SLCO1B1: variants seen among roughly 807,000 people sequenced by gnomAD.
The protein encoded by SLCO1B1 is solute carrier organic anion transporter family member 1B1.
SLCO1B1 carries 81 observed loss-of-function variants against 70.1 expected under a neutral mutation model. That is an observed-to-expected ratio of 1.16 (90% confidence interval 0.97 to 1.39). The LOEUF is 1.39. SLCO1B1 is among the 40% of genes most tolerant of loss of function. SLCO1B1 has a pLI of 0.00. For missense variants in SLCO1B1, 895 were observed against 799.6 expected (o/e 1.12, Z -1.44); for synonymous variants, 283 against 271.5 (o/e 1.04, Z -0.42).
At chr12:21,219,109 T>C (rs1261084380) in intron 12 of SLCO1B1, among the ~76,000 whole-genome samples, 1 of 152,154 alleles carries the variant, frequency 6.6e-6, no homozygotes, top group Non-Finnish European at 1.5e-5. Context: ...GGAATGAATG[T>C]GTGTAGCAGA....
At chr12:21,179,779 G>A (rs1022186911) in intron 7 of SLCO1B1, among the ~76,000 whole-genome samples, 6 of 151,808 alleles carry the variant, frequency 4.0e-5, no homozygotes, top group South Asian at 2.1e-4. Flanking sequence ...CTCCCTTCCC[G>A]CTTCTTTATC....
intron 14 of SLCO1B1, among the ~76,000 whole-genome samples, chr12:21,229,001 TAA>T (rs879412701): frequency 2.8e-5 from 4 of 141,696 alleles, no homozygotes; most frequent in Admixed American, 7.0e-5. Context: ...AAGTGGAATT[TAA>T]AAAAAAAAAA....
rs903277491 is a variant in SLCO1B1, at chr12:21,172,526, T to C, written c.85-124T>C. On this transcript the variant is annotated intron_variant, in intron 2 of 14. Transcript: ENST00000256958. ...ACCTGGTAAAAGGGAAAACTAAGTATGGTTTTTAAGATACAAATAATGTTT... is the reference window on the plus strand; with the variant it reads ...ACCTGGTAAAAGGGAAAACTAAGTACGGTTTTTAAGATACAAATAATGTTT... 8 of 1,105,186 alleles carry C rather than the reference T, an allele frequency of 7.2e-6. No homozygotes were observed. In the African/African-American group the frequency reaches 9.3e-5, roughly 13 times the overall value. The allele number at this position is 1,105,186 out of a possible 1,614,324, so 68.5% of individuals were successfully genotyped here. A position where few individuals can be genotyped will look rare whatever the true frequency, so the allele number is the denominator to read the frequency against.
chr12:21,159,654 A>C (rs1328188503), intron 2 of SLCO1B1, among the ~76,000 whole-genome samples: 2 of 152,166 alleles, frequency 1.3e-5, no homozygotes, highest in African/African-American at 4.8e-5. Context: ...GTTTTTCTCC[A>C]TTTTAAAAAC....
At chr12:21,232,945 A>G (rs754862053) in intron 14 of SLCO1B1, among the ~76,000 whole-genome samples, 23 of 152,156 alleles carry the variant, frequency 1.5e-4, no homozygotes, top group Non-Finnish European at 3.1e-4. Context: ...TTTCTGTTTT[A>G]TAAAACTATA....
At chr12:21,156,339 TTAAG>T (rs539034949) in intron 2 of SLCO1B1, among the ~76,000 whole-genome samples, 192 of 152,252 alleles carry the variant, frequency 1.3e-3, no homozygotes, top group African/African-American at 4.4e-3. Context: ...TGTTCATCTT[TTAAG>T]TAAAAGAACC....
At chr12:21,232,626 A>G (rs1941550807) in intron 14 of SLCO1B1, among the ~76,000 whole-genome samples, 1 of 152,154 alleles carries the variant, frequency 6.6e-6, no homozygotes, top group Non-Finnish European at 1.5e-5. Flanking sequence ...AAAGTACACC[A>G]GATTTGCTAA....
In SLCO1B1 at chr12:21,158,936, G is replaced by T. The variant is rs542955446; in HGVS notation, c.85-13714G>T. Among the ~76,000 whole-genome samples, 9 of 152,024 alleles carry T rather than the reference G, an allele frequency of 5.9e-5. No individual in the cohort carries two copies. In the South Asian group the frequency reaches 1.9e-3, roughly 32 times the overall value. Reference sequence around the variant, plus strand: ...ATGTTCTTCTTTTCCAAAGTAAAAAGAAATTAATAGAGCAAAGCTATATTT... The same window carrying T: ...ATGTTCTTCTTTTCCAAAGTAAAAATAAATTAATAGAGCAAAGCTATATTT... On this transcript the variant is annotated intron_variant, in intron 2 of 14. Transcript: ENST00000256958.
chr12:21,171,192 A>G (rs1382070911), intron 2 of SLCO1B1, among the ~76,000 whole-genome samples: 1 of 152,224 alleles, frequency 6.6e-6, no homozygotes. Context: ...GAAGGAATGA[A>G]TGATAGAAAT....
intron 7 of SLCO1B1, among the ~76,000 whole-genome samples, chr12:21,185,751 G>A (rs1940956579): frequency 1.3e-5 from 2 of 151,892 alleles, no homozygotes; most frequent in Admixed American, 1.3e-4. Context: ...AAATTGTGAT[G>A]CAAAATGTAT....
chr12:21,181,356 T>C (rs1015501070), intron 7 of SLCO1B1, among the ~76,000 whole-genome samples: 9 of 152,170 alleles, frequency 5.9e-5, no homozygotes, highest in African/African-American at 2.2e-4. Context: ...GTCATCAAAA[T>C]TACATTTGTC....
intron 7 of SLCO1B1, among the ~76,000 whole-genome samples, chr12:21,189,848 T>C (rs1323153265): frequency 6.6e-6 from 1 of 152,214 alleles, no homozygotes; most frequent in Non-Finnish European, 1.5e-5. Context: ...TTATCTTACA[T>C]AGTTACTTTT....
chr12:21,184,329 T>G (rs562016295), intron 7 of SLCO1B1, among the ~76,000 whole-genome samples: 14 of 152,054 alleles, frequency 9.2e-5, no homozygotes, highest in Admixed American at 6.6e-4. Flanking sequence ...ATGAAAGAAA[T>G]AAATATTTTA....
intron 6 of SLCO1B1, 95 bp downstream of exon 6, chr12:21,178,817 A>C: frequency 7.2e-7 from 1 of 1,379,490 alleles, no homozygotes; most frequent in Non-Finnish European, 1.0e-6. Flanking sequence ...ACCTATTAGA[A>C]CATATATTTG....
intron 4 of SLCO1B1, among the ~76,000 whole-genome samples, chr12:21,176,392 C>T (rs1276781488): frequency 2.6e-5 from 4 of 151,856 alleles, no homozygotes; most frequent in Non-Finnish European, 4.4e-5. Context: ...GAATATGTGT[C>T]CATGAAAGAA....
At chr12:21,161,882 C>G (rs994700062) in intron 2 of SLCO1B1, among the ~76,000 whole-genome samples, 5 of 151,972 alleles carry the variant, frequency 3.3e-5, no homozygotes, top group Non-Finnish European at 7.4e-5. Context: ...ATGGCATGTG[C>G]CCATAGTCCT....
chr12:21,225,871 A>G (rs920795357), intron 14 of SLCO1B1, among the ~76,000 whole-genome samples: 4 of 152,230 alleles, frequency 2.6e-5, no homozygotes, highest in Admixed American at 2.6e-4. Flanking sequence ...CAGGCTTATG[A>G]TACTGTTAAG....
rs1322023824 is a variant in SLCO1B1 at position 21,172,682 on chromosome 12, T to G, written c.117T>G (p.Ile39Met). ...MFLAALSLSF[I>M]AKTLGAIIMK... ...TGGCAGCTCTGTCACTCAGCTTTAT[T>G]GCTAAGACACTAGGTGCAATTATTA... Residue 39 changes from isoleucine to methionine, a missense_variant, in exon 3 of 15, where the codon ATT becomes ATG. Ile to Met is a conservative substitution (Grantham distance 10). Transcript: ENST00000256958. 2 of 1,613,818 alleles carry G rather than the reference T, an allele frequency of 1.2e-6. No individual in the cohort carries two copies. The highest frequency in any genetic ancestry group is 1.7e-6 in the Non-Finnish European group (2 of 1,179,922).
At position 21,200,528 on chromosome 12, in the gene SLCO1B1, A is replaced by G. The variant is rs774845200; in HGVS notation, c.991A>G (p.Ser331Gly). Residue 331 changes from serine (S) to glycine (G), a missense_variant, in exon 9 of 15, where the codon AGC becomes GGC. Coordinates refer to ENST00000256958, the MANE Select transcript of SLCO1B1 (RefSeq NM_006446.5). ...NVTGFFQSFK[S>G]ILTNPLYVMF... is the part of the protein sequence containing the mutation. The stretch of plus-strand genomic sequence containing the variant: ...TACAGGTTTTTTCCAGTCTTTTAAA[A>G]GCATCCTTACTAATCCCCTGTATGT... 1.9e-6 allele frequency: 3 copies of G among 1,574,380 alleles called. No individual in the cohort carries two copies. The highest frequency in any genetic ancestry group is 2.3e-5 in the East Asian group (1 of 44,044).
Sources: gnomAD v4.1 joint callset for allele counts (sites outside exome capture counted in the v4.1 genomes callset) on GRCh38, gnomAD v4.1.1 for gene constraint, MANE v1.5 for transcripts, NCBI Gene and HGNC (gene_info 2026-07-23, HGNC 2026-07-21) for gene names.